Variants in DISC1 observed in about 807,000 individuals in gnomAD.
DISC1 encodes the protein disrupted in schizophrenia 1 protein.
Under a neutral mutation model 84.5 loss-of-function variants are expected in DISC1, and 57 were observed. That is an observed-to-expected ratio of 0.67 (90% confidence interval 0.55 to 0.84). DISC1 has a LOEUF of 0.84. DISC1 is among the 40% of genes least tolerant of loss of function. DISC1 has a pLI of 0.00. For missense variants in DISC1, 1,000 were observed against 1,057.8 expected (o/e 0.95, Z 0.76); for synonymous variants, 411 against 415.2 (o/e 0.99, Z 0.12).
At chr1:231,968,605 AAAAAGC>A (rs1382260999) in intron 10 of DISC1, among the ~76,000 whole-genome samples, 4 of 151,652 alleles carry the variant, frequency 2.6e-5, no homozygotes, top group East Asian at 3.9e-4. Flanking sequence ...AAAAAAAAAA[AAAAAGC>A]AAAAACAAAA....
At position 231,901,233 on chromosome 1, in the gene DISC1, T is replaced by C. The variant is rs545727435; in HGVS notation, c.1982-57595T>C. Among the ~76,000 whole-genome samples, 12 of 152,286 alleles carry C rather than the reference T, an allele frequency of 7.9e-5. No homozygotes were observed. The South Asian group carries it at 2.5e-3, about 32-fold the overall frequency. The stretch of plus-strand genomic sequence containing the variant: ...CAAACGGCTATCAGAGAAACGTCAA[T>C]TTCAGAATATGGTTAGATACAGTGT... On this transcript the variant is annotated intron_variant, in intron 9 of 12. Coordinates refer to ENST00000439617, the MANE Select transcript of DISC1 (RefSeq NM_018662.3).
intron 7 of DISC1, among the ~76,000 whole-genome samples, chr1:231,798,145 A>ACACC (rs1417678220): frequency 2.0e-5 from 3 of 151,740 alleles, no homozygotes; most frequent in East Asian, 1.9e-4. Flanking sequence ...ATACACACAC[A>ACACC]CCCCTACCTG....
chr1:231,845,385 T>A (rs985860322), intron 9 of DISC1, among the ~76,000 whole-genome samples: 2 of 151,988 alleles, frequency 1.3e-5, no homozygotes, highest in Admixed American at 1.3e-4. Flanking sequence ...AGTGAGTGAA[T>A]GGGAGGAAGG....
chr1:231,818,774 CTTGTTATTAT>C lies in DISC1; in HGVS notation c.1981+260_1981+269del. 6 of 1,324,488 alleles carry C rather than the reference CTTGTTATTAT, an allele frequency of 4.5e-6. No individual in the cohort carries two copies. In the South Asian group the frequency reaches 1.0e-4, roughly 23 times the overall value. The allele number at this position is 1,324,488 out of a possible 1,614,324, so 82.0% of individuals were successfully genotyped here. A position where few individuals can be genotyped will look rare whatever the true frequency, so the allele number is the denominator to read the frequency against. ...GTCTCAACCTGTGTTTGCTAATAGCCTTGTTATTATTTAGAGCAGTCTCTCCCTTGGCAAG... is the reference window on the plus strand; with the variant it reads ...GTCTCAACCTGTGTTTGCTAATAGCCTTAGAGCAGTCTCTCCCTTGGCAAG... On this transcript the variant is annotated intron_variant, in intron 9 of 12. Transcript: ENST00000439617.
intron 8 of DISC1, among the ~76,000 whole-genome samples, chr1:231,813,691 A>T (rs2125719633): frequency 6.6e-6 from 1 of 152,158 alleles, no homozygotes; most frequent in Non-Finnish European, 1.5e-5. Flanking sequence ...TATTGTTTTG[A>T]AGCAACTTCC....
In DISC1 at chr1:231,887,067, G is replaced by T. The variant is rs150127026; in HGVS notation, c.1981+68550G>T. ...AGTAGATGCAGAATTTCACCATGTT[G>T]GCCAGGATGGTCTCGATCTCTTGAC... On this transcript the variant is annotated intron_variant, in intron 9 of 12. Transcript: ENST00000439617. Among the ~76,000 whole-genome samples, 342 of 151,708 alleles carry T rather than the reference G, an allele frequency of 2.3e-3. 2 individuals are homozygous for T. The highest frequency in any genetic ancestry group is 7.7e-3 in the African/African-American group (318 of 41,370).
At chr1:231,874,005 G>A (rs914193819) in intron 9 of DISC1, among the ~76,000 whole-genome samples, 5 of 151,646 alleles carry the variant, frequency 3.3e-5, no homozygotes, top group Admixed American at 6.6e-5. Flanking sequence ...GCACCACCAC[G>A]CCCAGCTATT....
intron 9 of DISC1, among the ~76,000 whole-genome samples, chr1:231,923,954 G>A (rs2090175331): frequency 6.6e-6 from 1 of 152,200 alleles, no homozygotes; most frequent in Non-Finnish European, 1.5e-5. Flanking sequence ...GGTTTCTGAA[G>A]TTGTACAACG....
chr1:231,656,864 A>G (rs2061142619), intron 1 of DISC1, among the ~76,000 whole-genome samples: 1 of 152,224 alleles, frequency 6.6e-6, no homozygotes, highest in Non-Finnish European at 1.5e-5. Context: ...TCCCACTTAT[A>G]GATGAGAGCA....
chr1:231,653,563 T>C (rs2060814986), intron 1 of DISC1, among the ~76,000 whole-genome samples: 1 of 152,164 alleles, frequency 6.6e-6, no homozygotes, highest in Non-Finnish European at 1.5e-5. Context: ...GGCTGGGAAA[T>C]GCCACTCATC....
At chr1:231,693,715 A>T in intron 1 of DISC1, 111 bp from the exon 2 acceptor site, 1 of 1,530,896 alleles carries the variant, frequency 6.5e-7, no homozygotes. Context: ...TCTATCTTTG[A>T]CAGGTGTACT....
chr1:231,670,017 T>C (rs1411432226), intron 1 of DISC1, among the ~76,000 whole-genome samples: 1 of 152,158 alleles, frequency 6.6e-6, no homozygotes, highest in Non-Finnish European at 1.5e-5. Flanking sequence ...GTGGTACATA[T>C]ATACCATGGA....
At chr1:231,640,557 C>G (rs1314097376) in intron 1 of DISC1, among the ~76,000 whole-genome samples, 1 of 142,274 alleles carries the variant, frequency 7.0e-6, no homozygotes, top group Non-Finnish European at 1.5e-5. Context: ...GAGACAAGGT[C>G]TCCCTCTGTT....
chr1:231,952,708 T>A lies in DISC1; in HGVS notation c.1982-6120T>A, dbSNP rs536279382. Among the ~76,000 whole-genome samples, 5 of 141,370 alleles carry A rather than the reference T, an allele frequency of 3.5e-5. No individual in the cohort carries two copies. The South Asian group carries it at 1.1e-3, about 30-fold the overall frequency. The allele number at this position is 141,370 out of a possible 152,430, so 92.7% of individuals were successfully genotyped here. A position where few individuals can be genotyped will look rare whatever the true frequency, so the allele number is the denominator to read the frequency against. Reference sequence around the variant, plus strand: ...ATATATGTTTATATATATATATATATATATATGTATATATATATATAAACT... The same window carrying A: ...ATATATGTTTATATATATATATATAAATATATGTATATATATATATAAACT... On this transcript the variant is annotated intron_variant, in intron 9 of 12. Coordinates refer to ENST00000439617, the MANE Select transcript of DISC1 (RefSeq NM_018662.3).
intron 9 of DISC1, among the ~76,000 whole-genome samples, chr1:231,848,869 G>A (rs2083656094): frequency 6.6e-6 from 1 of 152,078 alleles, no homozygotes; most frequent in South Asian, 2.1e-4. Context: ...CATGATGCAG[G>A]GATTACATTA....
intron 3 of DISC1, among the ~76,000 whole-genome samples, chr1:231,745,888 T>C (rs1255294653): frequency 2.6e-5 from 4 of 152,166 alleles, no homozygotes; most frequent in African/African-American, 7.2e-5. Context: ...CTTGATTCTC[T>C]TCCCATGGTA....
At chr1:231,739,545 T>G (rs556098515) in intron 3 of DISC1, among the ~76,000 whole-genome samples, 197 of 152,296 alleles carry the variant, frequency 1.3e-3, no homozygotes, top group Middle Eastern at 6.8e-3. Flanking sequence ...GCTCCCAACT[T>G]ACCAATGGGG....
intron 9 of DISC1, among the ~76,000 whole-genome samples, chr1:231,923,306 C>A (rs821719): frequency 0.092 from 10,030 of 109,136 alleles, 469 homozygotes; most frequent in African/African-American, 0.15. Context: ...ACAAAAAAAA[C>A]CAAAAAAAAA....
chr1:231,957,883 C>G (rs1044681354), intron 9 of DISC1, among the ~76,000 whole-genome samples: 1 of 152,218 alleles, frequency 6.6e-6, no homozygotes, highest in Non-Finnish European at 1.5e-5. Flanking sequence ...ACTCCAGTAG[C>G]ATGAATCTGG....
Sources: allele counts gnomAD v4.1 joint callset (sites outside exome capture counted in the v4.1 genomes callset), GRCh38; gene constraint gnomAD v4.1.1; transcripts MANE v1.5; gene names NCBI Gene and HGNC (gene_info 2026-07-23, HGNC 2026-07-21).